ZNF704: variants seen among roughly 807,000 people sequenced by gnomAD.
ZNF704 encodes the protein glucocorticoid induced gene 1.
ZNF704 carries 10 observed loss-of-function variants against 44.7 expected under a neutral mutation model. The observed-to-expected ratio is 0.22, with a 90% CI of 0.14 to 0.38. ZNF704 has a LOEUF of 0.38. ZNF704 is among the 10% of genes least tolerant of loss of function. The pLI, the probability that ZNF704 is intolerant of heterozygous loss-of-function variation, is 1.00. For synonymous variants in ZNF704, 211 were observed against 207.6 expected, an observed-to-expected ratio of 1.02 and a Z score of -0.14; for missense variants, 390 against 545.5, an observed-to-expected ratio of 0.71 and a Z score of 2.84.
chr8:80,653,787 T>C (rs1042370357), intron 7 of ZNF704, among the ~76,000 whole-genome samples: 1 of 152,192 alleles, frequency 6.6e-6, no homozygotes, highest in African/African-American at 2.4e-5. Context: ...ATAGATTCAA[T>C]GTCATCCCCA....
At chr8:80,813,206 C>A (rs1054361915) in intron 2 of ZNF704, among the ~76,000 whole-genome samples, 1 of 152,166 alleles carries the variant, frequency 6.6e-6, no homozygotes, top group Non-Finnish European at 1.5e-5. Flanking sequence ...TGATGATTTA[C>A]AAAGAAGGAC....
At chr8:80,655,952 A>C (rs1818008290) in intron 7 of ZNF704, among the ~76,000 whole-genome samples, 1 of 152,142 alleles carries the variant, frequency 6.6e-6, no homozygotes, top group South Asian at 2.1e-4. Context: ...TTGCTTTCCT[A>C]GGGGCTGTTA....
At chr8:80,776,714 C>T (rs1807416189) in intron 2 of ZNF704, 1 of 152,308 alleles carries the variant, frequency 6.6e-6, no homozygotes, top group South Asian at 2.1e-4. Context: ...TGGCTATTCA[C>T]AGGTGTGATC....
chr8:80,840,737 C>A (rs867524344), intron 1 of ZNF704, among the ~76,000 whole-genome samples: 13 of 152,130 alleles, frequency 8.5e-5, no homozygotes, highest in Admixed American at 6.5e-4. Flanking sequence ...TCCATCAAAA[C>A]AACAACAAAA....
intron 2 of ZNF704, among the ~76,000 whole-genome samples, chr8:80,747,053 T>G (rs1445090253): frequency 6.6e-6 from 1 of 152,152 alleles, no homozygotes; most frequent in Non-Finnish European, 1.5e-5. Context: ...GAATATGTGC[T>G]TCATCTGGAC....
chr8:80,826,605 G>A (rs1808380892), intron 1 of ZNF704, among the ~76,000 whole-genome samples: 1 of 152,048 alleles, frequency 6.6e-6, no homozygotes. Context: ...ACCAAAGCCG[G>A]GCAGAGACAC....
intron 1 of ZNF704, 60 bp from the exon 2 acceptor site, chr8:80,821,675 G>T: frequency 7.9e-7 from 1 of 1,272,408 alleles, no homozygotes; most frequent in Non-Finnish European, 1.1e-6. Flanking sequence ...TACGACTACT[G>T]CAGATGGCGG....
chr8:80,760,766 G>A (rs1807117117), intron 2 of ZNF704, among the ~76,000 whole-genome samples: 1 of 151,972 alleles, frequency 6.6e-6, no homozygotes, highest in South Asian at 2.1e-4. Context: ...CCTGCAGGCT[G>A]TACAGGAAAC....
chr8:80,762,383 A>G (rs1415606911), intron 2 of ZNF704, among the ~76,000 whole-genome samples: 1 of 152,176 alleles, frequency 6.6e-6, no homozygotes, highest in Non-Finnish European at 1.5e-5. Context: ...CAAACTTACA[A>G]TCATGGTGAA....
chr8:80,773,278 T>C (rs1328893872), intron 2 of ZNF704, among the ~76,000 whole-genome samples: 2 of 152,222 alleles, frequency 1.3e-5, no homozygotes, highest in East Asian at 3.8e-4. Flanking sequence ...TTTTTGAGTG[T>C]ATCCCTTTGT....
At chr8:80,703,169 C>T (rs1450961459) in intron 2 of ZNF704, among the ~76,000 whole-genome samples, 1 of 152,152 alleles carries the variant, frequency 6.6e-6, no homozygotes, top group Non-Finnish European at 1.5e-5. Context: ...CGGGGCAACT[C>T]TTCCAACTCG....
Position 80,687,423 on chromosome 8 carries a change from C to G in ZNF704, c.361G>C (p.Val121Leu). 4.4e-6 allele frequency: 7 copies of G among 1,591,096 alleles called. No homozygotes were observed. The highest frequency in any genetic ancestry group is 1.1e-5 in the South Asian group (1 of 89,680). ...LSGSWKEGGCVPSSTSSSGYW... is the reference protein window; with the variant it reads ...LSGSWKEGGCLPSSTSSSGYW... ...CCGCTGCTGCTGGTGCTGGAAGGCA[C>G]GCAGCCGCCCTCCTTCCAGGATCCG... Residue 121 changes from valine to leucine, a missense_variant, in exon 4 of 9, where the codon GTG becomes CTG. By Grantham distance (32) the Val-to-Leu change is conservative (BLOSUM62 1). Around this residue, in one of 3 missense-constraint regions of ZNF704, gnomAD observed 305 missense variants for 435.7 expected, o/e 0.70. Coordinates refer to ENST00000327835, the MANE Select transcript of ZNF704 (RefSeq NM_001033723.3).
intron 2 of ZNF704, among the ~76,000 whole-genome samples, chr8:80,755,979 C>T (rs1162315225): frequency 1.3e-5 from 2 of 151,872 alleles, no homozygotes; most frequent in Non-Finnish European, 2.9e-5. Flanking sequence ...TGTGCTGGTA[C>T]ACATCTGCAG....
chr8:80,645,415 C>A (rs191472377), intron 7 of ZNF704, among the ~76,000 whole-genome samples: 32 of 152,128 alleles, frequency 2.1e-4, no homozygotes, highest in Non-Finnish European at 3.1e-4. Flanking sequence ...TCTCTTTCAA[C>A]GTAAAGGAAT....
chr8:80,782,410 C>T (rs1807542812), intron 2 of ZNF704, among the ~76,000 whole-genome samples: 1 of 152,142 alleles, frequency 6.6e-6, no homozygotes. Flanking sequence ...GGATAAAAGG[C>T]CTCAGGGATG....
chr8:80,792,250 G>A (rs1807721572), intron 2 of ZNF704, among the ~76,000 whole-genome samples: 1 of 152,114 alleles, frequency 6.6e-6, no homozygotes, highest in Non-Finnish European at 1.5e-5. Context: ...TGGTGGGAGT[G>A]TAACTGCTGT....
intron 2 of ZNF704, among the ~76,000 whole-genome samples, chr8:80,774,911 G>A (rs921230258): frequency 1.3e-5 from 2 of 152,312 alleles, no homozygotes; most frequent in South Asian, 2.1e-4. Context: ...TACACGAAGC[G>A]AAATGAAAAC....
intron 2 of ZNF704, among the ~76,000 whole-genome samples, chr8:80,808,690 G>C (rs1036811914): frequency 1.3e-5 from 2 of 152,186 alleles, no homozygotes; most frequent in African/African-American, 4.8e-5. Context: ...CACTTTCAAC[G>C]TGATCGTTTG....
At chr8:80,756,973 C>T (rs1166289424) in intron 2 of ZNF704, among the ~76,000 whole-genome samples, 1 of 152,164 alleles carries the variant, frequency 6.6e-6, no homozygotes, top group East Asian at 1.9e-4. Context: ...GGCCAGCTGT[C>T]CTTCCATATG....
Sources: gnomAD v4.1 joint callset for allele counts (sites outside exome capture counted in the v4.1 genomes callset) on GRCh38, gnomAD v4.1.1 for gene constraint, gnomAD v4.1.1 regional missense constraint, MANE v1.5 for transcripts, NCBI Gene and HGNC (gene_info 2026-07-23, HGNC 2026-07-21) for gene names.